Variants in PARD3B observed in about 807,000 individuals in gnomAD.
PARD3B encodes par-3 family cell polarity regulator beta.
PARD3B carries 103 observed loss-of-function variants against 130.2 expected under a neutral mutation model. The ratio of observed to expected loss-of-function variants is 0.79; its 90% CI spans 0.67 to 0.93. PARD3B has a LOEUF of 0.93. Ranked by LOEUF, PARD3B falls within the 40% of genes least tolerant of loss-of-function variation. The probability of loss-of-function intolerance (pLI) is 0.00; values close to 1 mark genes in which losing one functional copy is unlikely to be tolerated. For missense variants in PARD3B, 1,609 were observed against 1,499.2 expected, an observed-to-expected ratio of 1.07 and a Z score of -1.21; for synonymous variants, 583 against 553.2, an observed-to-expected ratio of 1.05 and a Z score of -0.76.
In PARD3B at chr2:205,268,421, A is replaced by G. The variant is rs1394416061; in HGVS notation, c.2185+22599A>G. ...AAAAGAATTGTTAGAGGTTTGAGGT[A>G]AAAGATCGTGGCAGAAGCCAGTATT... is the stretch of plus-strand genomic sequence containing the variant. On this transcript the variant is annotated intron_variant, in intron 16 of 22. Coordinates refer to ENST00000406610, the MANE Select transcript of PARD3B (RefSeq NM_001302769.2). The surrounding 1 kb of genome is among the most constrained non-coding windows in gnomAD (Gnocchi z 4.1). Among the ~76,000 whole-genome samples the G allele has an allele frequency of 6.6e-6, 1 of 152,226 alleles. No homozygotes were observed. The highest frequency in any genetic ancestry group is 6.5e-5 in the Admixed American group (1 of 15,282).
rs1396409904 is a variant in PARD3B, at chr2:205,619,251, A to G, written c.*3438A>G. On this transcript the variant is annotated 3_prime_UTR_variant, in exon 23 of 23. Transcript: ENST00000406610. ...TCTCTTTTCCCTGGTATGCACAAAT[A>G]TCAAGCCTATAAAAAAGTAATTATT... The G allele has an allele frequency of 4.6e-5, 7 of 152,312 alleles. No homozygotes were observed. In the South Asian group the frequency reaches 1.0e-3, roughly 23 times the overall value. The allele number at this position is 152,312 out of a possible 1,614,324, so 9.4% of individuals were successfully genotyped here. A position where few individuals can be genotyped will look rare whatever the true frequency, so the allele number is the denominator to read the frequency against.
At chr2:204,567,563 A>G (rs76514205) in intron 1 of PARD3B, among the ~76,000 whole-genome samples, 11,461 of 152,254 alleles carry the variant, frequency 0.075, 1,241 homozygotes, top group African/African-American at 0.23. Flanking sequence ...TATCAAGGTT[A>G]AAGAATATTT....
intron 16 of PARD3B, among the ~76,000 whole-genome samples, chr2:205,257,798 C>T (rs904669645): frequency 2.0e-5 from 3 of 152,148 alleles, no homozygotes; most frequent in African/African-American, 4.8e-5. Context: ...CTGATTAATT[C>T]TGTAAGCTTC....
intron 18 of PARD3B, among the ~76,000 whole-genome samples, chr2:205,365,058 G>C (rs2044549596): frequency 6.6e-6 from 1 of 152,064 alleles, no homozygotes; most frequent in Non-Finnish European, 1.5e-5. Context: ...AAATTAGCCA[G>C]GCATGGTGGC....
chr2:205,391,846 T>C (rs148256012), intron 18 of PARD3B, among the ~76,000 whole-genome samples: 3,165 of 152,294 alleles, frequency 0.021, 44 homozygotes, highest in South Asian at 0.032. Flanking sequence ...CTGGCCTTTT[T>C]TTCATAAGTT....
At chr2:205,379,432 A>G (rs1242071569) in intron 18 of PARD3B, among the ~76,000 whole-genome samples, 1 of 152,040 alleles carries the variant, frequency 6.6e-6, no homozygotes, top group African/African-American at 2.4e-5. Context: ...GAATGTACCC[A>G]TGTTCCATGA....
chr2:205,425,850 T>C (rs2047126624), intron 19 of PARD3B, among the ~76,000 whole-genome samples: 1 of 152,174 alleles, frequency 6.6e-6, no homozygotes. Flanking sequence ...TATCCACATA[T>C]TGGATTCTGC....
intron 1 of PARD3B, among the ~76,000 whole-genome samples, chr2:204,591,272 G>T (rs2033062833): frequency 6.6e-6 from 1 of 152,194 alleles, no homozygotes; most frequent in Admixed American, 6.5e-5. Context: ...GAGAGGAGCT[G>T]ATTGTCTTTT....
intron 22 of PARD3B, among the ~76,000 whole-genome samples, chr2:205,587,060 A>G (rs188456657): frequency 9.6e-4 from 146 of 152,306 alleles, no homozygotes; most frequent in Admixed American, 1.5e-3. Flanking sequence ...TAAGCTTCAC[A>G]TTGGCGTGTG....
chr2:204,891,143 C>T (rs886702699), intron 2 of PARD3B, among the ~76,000 whole-genome samples: 7 of 151,854 alleles, frequency 4.6e-5, no homozygotes, highest in East Asian at 1.9e-4. Flanking sequence ...TCTGCCTGCC[C>T]GTGATTCAAC....
At position 205,245,820 on chromosome 2, in the gene PARD3B, C is replaced by T. The variant is rs747892833; in HGVS notation, c.2183C>T (p.Ser728Leu). The change falls in exon 16 of 23, where the codon TCG becomes TTG. Residue 728 changes from serine (S) to leucine (L), a missense_variant and splice_region_variant. By Grantham distance (145) the Ser-to-Leu change is moderately radical. Transcript: ENST00000406610. ...SKVHSLAGQK[S>L]ESPSKDFGPT... is the part of the protein sequence containing the mutation. ...GTTCACTCATTGGCTGGACAAAAATCGGGTAAGAAATTCCTTGTAACTGAC... is the reference window on the plus strand; with the variant it reads ...GTTCACTCATTGGCTGGACAAAAATTGGGTAAGAAATTCCTTGTAACTGAC... 5.7e-6 allele frequency: 9 copies of T among 1,590,820 alleles called. No individual in the cohort carries two copies. The highest frequency in any genetic ancestry group is 1.7e-5 in the Admixed American group (1 of 59,912).
chr2:205,369,597 A>C (rs762462508), intron 18 of PARD3B, among the ~76,000 whole-genome samples: 1 of 152,238 alleles, frequency 6.6e-6, no homozygotes, highest in Non-Finnish European at 1.5e-5. Context: ...CTGTAAAAAT[A>C]GAGTTAAAGA....
chr2:204,750,595 C>T (rs868526248), intron 2 of PARD3B, among the ~76,000 whole-genome samples: 4 of 149,668 alleles, frequency 2.7e-5, no homozygotes, highest in South Asian at 4.3e-4. Context: ...CAAAAATACA[C>T]ACATACATAC....
rs779144585 is a variant in PARD3B at position 204,971,191 on chromosome 2, C to T, written c.394+5868C>T. Among the ~76,000 whole-genome samples, 202 of 152,276 alleles carry T rather than the reference C, an allele frequency of 1.3e-3. 2 individuals carry two copies. Among genetic ancestry groups the T allele is most frequent in the Middle Eastern group, 6.8e-3 (2 of 294 alleles). On this transcript the variant is annotated intron_variant, in intron 3 of 22. Coordinates refer to ENST00000406610, the MANE Select transcript of PARD3B (RefSeq NM_001302769.2). The stretch of plus-strand genomic sequence containing the variant: ...AAGCAAACCAAATCCCTTTATGGCG[C>T]TGATCTTCAGGAAAACGTAAAGAAA...
chr2:204,546,222 G>A (rs1261462371), intron 1 of PARD3B, 103 bp downstream of exon 1: 1 of 1,467,142 alleles, frequency 6.8e-7, no homozygotes, highest in South Asian at 1.2e-5. Context: ...AGGGGATTAT[G>A]GGGCACTGCC....
intron 15 of PARD3B, among the ~76,000 whole-genome samples, chr2:205,245,390 A>G (rs1348079344): frequency 2.6e-5 from 4 of 152,182 alleles, no homozygotes; most frequent in African/African-American, 9.7e-5. Flanking sequence ...TTAAGTATTT[A>G]ATATACACAC....
At chr2:204,990,591 C>T (rs1027462488) in intron 3 of PARD3B, among the ~76,000 whole-genome samples, 1 of 151,932 alleles carries the variant, frequency 6.6e-6, no homozygotes, top group Non-Finnish European at 1.5e-5. Context: ...GAATTATTTA[C>T]ATATTAAGAA....
intron 16 of PARD3B, among the ~76,000 whole-genome samples, chr2:205,279,692 C>T (rs2041114372): frequency 6.6e-6 from 1 of 152,234 alleles, no homozygotes; most frequent in African/African-American, 2.4e-5. Flanking sequence ...CAGGAGTCTC[C>T]AAGCGGGAAA....
chr2:205,031,628 A>T (rs1697431351), intron 3 of PARD3B, among the ~76,000 whole-genome samples: 1 of 152,114 alleles, frequency 6.6e-6, no homozygotes, highest in Non-Finnish European at 1.5e-5. Context: ...GCTTTAATTC[A>T]CTATTCTGTG....
Sources: allele counts gnomAD v4.1 joint callset (sites outside exome capture counted in the v4.1 genomes callset), GRCh38; gene constraint gnomAD v4.1.1; non-coding constraint Gnocchi (gnomAD v3.1); transcripts MANE v1.5; gene names NCBI Gene and HGNC (gene_info 2026-07-23, HGNC 2026-07-21).